Variants in SCART1 observed in about 807,000 individuals in gnomAD.
The protein encoded by SCART1 is scavenger receptor cysteine-rich domain-containing protein SCART1.
A neutral mutation model predicts 36.2 loss-of-function variants in SCART1; 62 were observed. The observed-to-expected ratio is 1.71, with a 90% CI of 1.40 to 2.12. SCART1 has a LOEUF of 2.12. Ranked by LOEUF, SCART1 falls within the 30% of genes most tolerant of loss-of-function variation. The pLI is 0.00. For synonymous variants in SCART1, 487 were observed against 238.7 expected, an observed-to-expected ratio of 2.04 and a Z score of -9.59; for missense variants, 1,041 against 540.5, an observed-to-expected ratio of 1.93 and a Z score of -9.18.
chr10:133,466,463 T>G, intron 10 of SCART1, 82 bp downstream of exon 10: 2 of 655,806 alleles, frequency 3.0e-6, no homozygotes, highest in South Asian at 1.7e-5. Context: ...TGTTGGGGTC[T>G]GGGCAGGCGG....
exon 4 of SCART1, chr10:133,458,460 G>A (rs942954772): frequency 4.3e-6 from 3 of 695,442 alleles, no homozygotes; most frequent in South Asian, 1.5e-5. Context: ...ACCTGGCCAC[G>A]GCCCACGTGG....
exon 7 of SCART1, chr10:133,464,829 A>T: frequency 1.4e-6 from 1 of 702,838 alleles, no homozygotes; most frequent in South Asian, 1.5e-5. Context: ...GACAACATCG[A>T]GTGCCGCAGG....
At chr10:133,460,944 C>CA (rs1371080151) in intron 6 of SCART1, among the ~76,000 whole-genome samples, 2 of 152,006 alleles carry the variant, frequency 1.3e-5, no homozygotes, top group African/African-American at 4.8e-5. Flanking sequence ...CCATGTTGCC[C>CA]AGGCCGGTCT....
intron 11 of SCART1, 21 bp downstream of exon 11, chr10:133,467,374 A>G (rs2133560573): frequency 1.4e-6 from 1 of 694,244 alleles, no homozygotes; most frequent in Non-Finnish European, 2.6e-6. Context: ...GCTCCAGCTC[A>G]GGGGTGAGCT....
chr10:133,459,034 C>T (rs899924477), exon 5 of SCART1: 1 of 691,630 alleles, frequency 1.4e-6, no homozygotes, highest in Non-Finnish European at 2.6e-6. Flanking sequence ...TCAGGATGGT[C>T]AACGGCAGCA....
exon 6 of SCART1, chr10:133,459,964 G>A (rs768487082): frequency 1.8e-6 from 1 of 544,798 alleles, no homozygotes. Flanking sequence ...TGGGACCTGC[G>A]GGACGCGCAC....
At chr10:133,460,496 A>ATATATTTTTTTTTTT in intron 6 of SCART1, among the ~76,000 whole-genome samples, 1 of 136,016 alleles carries the variant, frequency 7.4e-6, no homozygotes, top group Non-Finnish European at 1.6e-5. Flanking sequence ...ATATTTATAT[A>ATATATTTTTTTTTTT]TTTTAAAAAA....
At chr10:133,464,781 G>A (rs1432560128) in exon 7 of SCART1, 1 of 702,332 alleles carries the variant, frequency 1.4e-6, no homozygotes, top group African/African-American at 1.7e-5. Context: ...CTGGAGAACA[G>A]GCCCTTCCCC....
chr10:133,460,098 T>C (rs1431381203), exon 6 of SCART1: 3 of 517,814 alleles, frequency 5.8e-6, no homozygotes, highest in Non-Finnish European at 1.0e-5. Flanking sequence ...GTCTGCGCTG[T>C]GGCAGTGCCC....
chr10:133,456,838 G>A (rs1019486686), intron 2 of SCART1, among the ~76,000 whole-genome samples: 4 of 152,140 alleles, frequency 2.6e-5, no homozygotes, highest in African/African-American at 7.2e-5. Flanking sequence ...GCAGCCGAGC[G>A]GGGGCGGGGT....
exon 7 of SCART1, chr10:133,464,698 A>G (rs1285664142): frequency 1.4e-6 from 1 of 701,844 alleles, no homozygotes; most frequent in Non-Finnish European, 2.6e-6. Context: ...CATGTGCAGC[A>G]ATGCCCTGAA....
intron 6 of SCART1, among the ~76,000 whole-genome samples, chr10:133,462,324 G>C (rs1009851841): frequency 3.9e-5 from 6 of 152,242 alleles, no homozygotes; most frequent in African/African-American, 1.4e-4. Flanking sequence ...CTGAGGGGCA[G>C]AAGCTATTTT....
intron 9 of SCART1, 198 bp downstream of exon 9, chr10:133,465,763 T>C (rs535067977): frequency 1.1e-4 from 73 of 673,648 alleles, no homozygotes; most frequent in African/African-American, 1.0e-3. Context: ...GGTTTCCCCC[T>C]AATCTTTTTT....
intron 6 of SCART1, among the ~76,000 whole-genome samples, chr10:133,463,287 C>A (rs1288428365): frequency 5.3e-5 from 8 of 152,164 alleles, no homozygotes; most frequent in African/African-American, 1.4e-4. Context: ...CACCATCTCA[C>A]AAAGTTACGT....
Position 133,466,225 on chromosome 10 carries a change from C to T in SCART1, c.2660-10C>T, listed in dbSNP as rs867751736. On this transcript the variant is annotated splice_polypyrimidine_tract_variant and intron_variant, in intron 9 of 11. Coordinates refer to ENST00000640237, the Ensembl canonical transcript of SCART1. Reference sequence around the variant, plus strand: ...ACCACCCAGCTGGCTCAAGACCTCTCCTTTCTCAGAGCCTGGCCCAGGCCC... The same window carrying T: ...ACCACCCAGCTGGCTCAAGACCTCTTCTTTCTCAGAGCCTGGCCCAGGCCC... 2 of 701,284 alleles carry T rather than the reference C, an allele frequency of 2.9e-6. No homozygotes were observed. Among genetic ancestry groups the T allele is most frequent in the South Asian group, 1.5e-5 (1 of 67,418 alleles). 43.4% of individuals were successfully genotyped at this position (701,284 alleles called of 1,614,324 possible).
chr10:133,459,505 G>A (rs907410080), exon 6 of SCART1: 6 of 664,310 alleles, frequency 9.0e-6, no homozygotes, highest in Admixed American at 4.5e-5. Context: ...CACGCCCTGC[G>A]ACTGAGGGAA....
chr10:133,454,846 G>A (rs181070443), intron 1 of SCART1, among the ~76,000 whole-genome samples: 1 of 152,178 alleles, frequency 6.6e-6, no homozygotes, highest in East Asian at 1.9e-4. Flanking sequence ...TGAAGGAAAG[G>A]CAGCAATGTG....
At chr10:133,457,911 TGCCTC>T in intron 3 of SCART1, 1 of 514,502 alleles carries the variant, frequency 1.9e-6, no homozygotes, top group Non-Finnish European at 3.5e-6. Flanking sequence ...TTCCCAGCCC[TGCCTC>T]AACTGTGTGT....
intron 1 of SCART1, among the ~76,000 whole-genome samples, chr10:133,454,650 C>T (rs1393434126): frequency 6.6e-6 from 1 of 152,006 alleles, no homozygotes; most frequent in Non-Finnish European, 1.5e-5. Context: ...GGCATGGAGC[C>T]ATGATGTGAG....
Sources: gnomAD v4.1 joint callset for allele counts (sites outside exome capture counted in the v4.1 genomes callset) on GRCh38, gnomAD v4.1.1 for gene constraint, MANE v1.5 for transcripts, NCBI Gene and HGNC (gene_info 2026-07-23, HGNC 2026-07-21) for gene names.